Variants in ANKFY1 observed in about 807,000 individuals in gnomAD.
ANKFY1 encodes ankyrin repeat and FYVE domain containing 1, also known as ankyrin repeat and FYVE domain-containing protein 1.
Under a neutral mutation model 128.3 loss-of-function variants are expected in ANKFY1, and 47 were observed. The observed-to-expected ratio is 0.37, with a 90% CI of 0.29 to 0.47. ANKFY1 has a LOEUF of 0.47. ANKFY1 is among the 20% of genes least tolerant of loss of function. ANKFY1 has a pLI of 1.00. For synonymous variants in ANKFY1, 553 were observed against 601.6 expected, an observed-to-expected ratio of 0.92 and a Z score of 1.18; for missense variants, 1,222 against 1,510.6, an observed-to-expected ratio of 0.81 and a Z score of 3.17.
intron 14 of ANKFY1, 148 bp downstream of exon 14, chr17:4,183,250 G>T: frequency 2.2e-6 from 2 of 899,980 alleles, no homozygotes; most frequent in Non-Finnish European, 1.7e-6. Context: ...ATTCAGTGAT[G>T]ACACCGCAGT....
chr17:4,202,130 C>T (rs1473841080), intron 7 of ANKFY1, among the ~76,000 whole-genome samples: 4 of 152,226 alleles, frequency 2.6e-5, no homozygotes, highest in Non-Finnish European at 5.9e-5. Context: ...TGGCCGGGCG[C>T]AGCGGCTCCT....
chr17:4,234,859 C>G (rs372121591), intron 3 of ANKFY1, among the ~76,000 whole-genome samples: 4 of 152,022 alleles, frequency 2.6e-5, no homozygotes, highest in African/African-American at 9.7e-5. Flanking sequence ...TTAAGCTATA[C>G]GACACAATGC....
intron 4 of ANKFY1, among the ~76,000 whole-genome samples, chr17:4,215,087 G>C (rs1374249811): frequency 1.3e-5 from 2 of 152,006 alleles, no homozygotes; most frequent in African/African-American, 4.8e-5. Context: ...CTAGGAGTTT[G>C]AGACTAACCT....
rs1015017098 is a variant in ANKFY1, at chr17:4,263,856, C to A, written c.10+76G>T. The A allele has an allele frequency of 3.7e-6, 6 of 1,612,674 alleles. No homozygotes were observed. The African/African-American group carries it at 4.0e-5, about 11-fold the overall frequency. Reference sequence around the variant, plus strand: ...TGCAACCACGCCCGGCCTTCCCCTCCCACGGCAGCTTCGCACGGCCAGCAG... The same window carrying A: ...TGCAACCACGCCCGGCCTTCCCCTCACACGGCAGCTTCGCACGGCCAGCAG... On this transcript the variant is annotated intron_variant, in intron 1 of 24. Coordinates refer to ENST00000341657, the MANE Select transcript of ANKFY1 (RefSeq NM_001330063.2).
At chr17:4,263,609 C>T in intron 1 of ANKFY1, 1 of 1,534,948 alleles carries the variant, frequency 6.5e-7, no homozygotes, top group Non-Finnish European at 8.7e-7. Context: ...CCCGGCGTCC[C>T]GGCACCGCCG....
intron 4 of ANKFY1, among the ~76,000 whole-genome samples, chr17:4,210,564 C>T (rs1297144630): frequency 2.0e-5 from 3 of 151,982 alleles, no homozygotes; most frequent in Admixed American, 6.5e-5. Flanking sequence ...CAAAATTAGC[C>T]GGCTGTGGTG....
chr17:4,242,155 C>T lies in ANKFY1; in HGVS notation c.203+101G>A, dbSNP rs138718521. ...TAGGGAATCGATTTGCTAATATCCT[C>T]ATTAGAGATAAATAAATTTTGGAAG... On this transcript the variant is annotated intron_variant, in intron 2 of 24. Coordinates refer to ENST00000341657, the MANE Select transcript of ANKFY1 (RefSeq NM_001330063.2). 2.2e-5 allele frequency: 27 copies of T among 1,212,974 alleles called. No individual in the cohort carries two copies. The Middle Eastern group carries it at 9.0e-4, about 40-fold the overall frequency. The allele number at this position is 1,212,974 out of a possible 1,614,324, so 75.1% of individuals were successfully genotyped here. A position where few individuals can be genotyped will look rare whatever the true frequency, so the allele number is the denominator to read the frequency against.
chr17:4,244,364 G>T (rs1479034872), intron 1 of ANKFY1, among the ~76,000 whole-genome samples: 1 of 152,178 alleles, frequency 6.6e-6, no homozygotes, highest in African/African-American at 2.4e-5. Flanking sequence ...TAATGGAAAA[G>T]GTCAGGAAAG....
Position 4,177,426 on chromosome 17 carries a change from C to T in ANKFY1, c.2599-124G>A, listed in dbSNP as rs1268506067. 5 of 816,706 alleles carry T rather than the reference C, an allele frequency of 6.1e-6. No homozygotes were observed. In the African/African-American group the frequency reaches 8.8e-5, roughly 14 times the overall value. 50.6% of individuals were successfully genotyped at this position (816,706 alleles called of 1,614,324 possible). ...GAGACCTTCCCTCAGTCTTAGGAAA[C>T]CCCCTCCCAAGAATGAACATGAAAC... is the stretch of plus-strand genomic sequence containing the variant. On this transcript the variant is annotated intron_variant, in intron 18 of 24. Transcript: ENST00000341657.
At chr17:4,227,280 C>T (rs2060441775) in intron 3 of ANKFY1, among the ~76,000 whole-genome samples, 1 of 151,936 alleles carries the variant, frequency 6.6e-6, no homozygotes. Flanking sequence ...ACCAATATCC[C>T]TCATGATTAC....
At position 4,221,621 on chromosome 17, in the gene ANKFY1, T is replaced by G. The variant is rs146673686; in HGVS notation, c.323-4503A>C. On this transcript the variant is annotated intron_variant, in intron 3 of 24. Transcript: ENST00000341657. ...TTAAATTCTCTGAGTTTCCAACTGT[T>G]TTTTTCTTTTTATTTGGGTCAGAGT... 6.3e-3 allele frequency among the ~76,000 whole-genome samples: 964 copies of G among 152,288 alleles called. 10 individuals are homozygous for G. Among genetic ancestry groups the G allele is most frequent in the African/African-American group, 0.022 (925 of 41,548 alleles).
At chr17:4,251,712 G>A (rs185258839) in intron 1 of ANKFY1, among the ~76,000 whole-genome samples, 1 of 151,680 alleles carries the variant, frequency 6.6e-6, no homozygotes, top group East Asian at 1.9e-4. Context: ...AAATAAAAAG[G>A]CAAGCCACAG....
chr17:4,200,915 G>A (rs2059916646), intron 7 of ANKFY1, among the ~76,000 whole-genome samples: 1 of 152,150 alleles, frequency 6.6e-6, no homozygotes, highest in African/African-American at 2.4e-5. Context: ...TGGGGTTTCA[G>A]GAGTGGTAAA....
At chr17:4,199,930 A>G (rs1399298975) in intron 7 of ANKFY1, among the ~76,000 whole-genome samples, 1 of 152,234 alleles carries the variant, frequency 6.6e-6, no homozygotes, top group East Asian at 1.9e-4. Flanking sequence ...AGAATAGCAA[A>G]GCATCATAAC....
intron 1 of ANKFY1, among the ~76,000 whole-genome samples, chr17:4,258,835 C>T (rs926744120): frequency 2.6e-5 from 4 of 152,164 alleles, no homozygotes; most frequent in Non-Finnish European, 4.4e-5. Flanking sequence ...ATGTTTTCCC[C>T]ATTTTGCTTG....
At chr17:4,233,882 T>C (rs2060556861) in intron 3 of ANKFY1, among the ~76,000 whole-genome samples, 1 of 152,198 alleles carries the variant, frequency 6.6e-6, no homozygotes, top group African/African-American at 2.4e-5. Context: ...TGACAAACCT[T>C]CTGAACAAAG....
At chr17:4,262,346 C>G (rs1447471109) in intron 1 of ANKFY1, among the ~76,000 whole-genome samples, 1 of 152,194 alleles carries the variant, frequency 6.6e-6, no homozygotes, top group African/African-American at 2.4e-5. Flanking sequence ...ACTGTAACCT[C>G]CGTTTTCCGG....
intron 3 of ANKFY1, among the ~76,000 whole-genome samples, chr17:4,225,359 A>C (rs2060408301): frequency 6.6e-6 from 1 of 152,174 alleles, no homozygotes; most frequent in South Asian, 2.1e-4. Context: ...TCTGTCTCAA[A>C]AAGAAAAGTT....
chr17:4,219,815 G>GT (rs2060279225), intron 3 of ANKFY1, among the ~76,000 whole-genome samples: 1 of 151,998 alleles, frequency 6.6e-6, no homozygotes, highest in African/African-American at 2.4e-5. Context: ...GAATAATATA[G>GT]TAATAGCACC....
Sources: allele counts gnomAD v4.1 joint callset (sites outside exome capture counted in the v4.1 genomes callset), GRCh38; gene constraint gnomAD v4.1.1; transcripts MANE v1.5; gene names NCBI Gene and HGNC (gene_info 2026-07-23, HGNC 2026-07-21).